KAZN: variants seen among roughly 807,000 people sequenced by gnomAD.
KAZN encodes kazrin, periplakin interacting protein.
A neutral mutation model predicts 87.4 loss-of-function variants in KAZN; 40 were observed. The observed-to-expected ratio is 0.46, with a 90% confidence interval of 0.36 to 0.60. The LOEUF is 0.60. Among genes scored for constraint, KAZN ranks in the 20% least tolerant of loss-of-function variants. The pLI is 0.00. For synonymous variants in KAZN, 466 were observed against 458.3 expected (o/e 1.02, Z -0.22); for missense variants, 898 against 1,073.9 (o/e 0.84, Z 2.29).
intron 1 of KAZN, chr1:14,692,415 G>A: frequency 3.6e-6 from 1 of 281,520 alleles, no homozygotes; most frequent in East Asian, 5.9e-5. Context: ...AACCTCTGAT[G>A]GCTCTCTATT....
At chr1:14,633,643 G>A (rs919473756) in intron 1 of KAZN, among the ~76,000 whole-genome samples, 1 of 152,128 alleles carries the variant, frequency 6.6e-6, no homozygotes, top group Non-Finnish European at 1.5e-5. Context: ...TGTTGCAGCA[G>A]CCTATAGGAA....
rs976783553 is a variant in KAZN at position 14,735,784 on chromosome 1, G to A, written c.226+136561G>A. ...TGTCCACGATAGTCCAAGAAGCGCC[G>A]TCCCTGGCCCTGGGTTTGGTAAGTT... On this transcript the variant is annotated intron_variant, in intron 1 of 14. Coordinates refer to ENST00000376030, the MANE Select transcript of KAZN (RefSeq NM_201628.3). This position sits in a 1 kb window ranked among gnomAD's most constrained non-coding sequence, Gnocchi z 4.3. Among the ~76,000 whole-genome samples the A allele has an allele frequency of 3.9e-5, 6 of 152,260 alleles. No homozygotes were observed. Among genetic ancestry groups the A allele is most frequent in the East Asian group, 1.9e-4 (1 of 5,182 alleles).
intron 1 of KAZN, among the ~76,000 whole-genome samples, chr1:13,978,152 G>T (rs914128077): frequency 1.2e-5 from 1 of 85,310 alleles, no homozygotes; most frequent in Non-Finnish European, 2.5e-5. Flanking sequence ...AAAAAAAAAA[G>T]GCAATTGTTG....
At chr1:14,466,999 A>G (rs1257730789) in intron 2 of KAZN, among the ~76,000 whole-genome samples, 1 of 152,202 alleles carries the variant, frequency 6.6e-6, no homozygotes, top group Non-Finnish European at 1.5e-5. Context: ...AATAAACCGA[A>G]GAAACTATTG....
chr1:14,137,002 A>G (rs6686025), intron 1 of KAZN, among the ~76,000 whole-genome samples: 81,844 of 152,036 alleles, frequency 0.54, 23,073 homozygotes, highest in East Asian at 0.73. Context: ...TTTTAGGGTT[A>G]TGAAGTTTCC....
chr1:14,432,097 C>T (rs946021477), intron 2 of KAZN, among the ~76,000 whole-genome samples: 9 of 152,194 alleles, frequency 5.9e-5, no homozygotes, highest in Admixed American at 1.3e-4. Flanking sequence ...TCACACTTCT[C>T]ATCCTCAACT....
At chr1:14,539,816 T>A (rs1672705269) in intron 2 of KAZN, among the ~76,000 whole-genome samples, 1 of 152,174 alleles carries the variant, frequency 6.6e-6, no homozygotes, top group Non-Finnish European at 1.5e-5. Flanking sequence ...CTAAATTTTG[T>A]TAAATGTAAG....
intron 1 of KAZN, among the ~76,000 whole-genome samples, chr1:14,775,658 G>A (rs1453865099): frequency 1.3e-5 from 2 of 152,122 alleles, no homozygotes; most frequent in Non-Finnish European, 2.9e-5. Context: ...CTTCCTCAAC[G>A]TGCGCCATGC....
intron 1 of KAZN, among the ~76,000 whole-genome samples, chr1:13,989,388 G>A (rs1349551048): frequency 6.6e-6 from 1 of 152,094 alleles, no homozygotes; most frequent in Non-Finnish European, 1.5e-5. Context: ...AACCTGGAGG[G>A]CTTTACAACC....
At chr1:14,213,335 C>T (rs575992375) in intron 2 of KAZN, among the ~76,000 whole-genome samples, 1 of 152,252 alleles carries the variant, frequency 6.6e-6, no homozygotes, top group South Asian at 2.1e-4. Context: ...TCCCCTCCGG[C>T]CTAAATAGGA....
intron 1 of KAZN, among the ~76,000 whole-genome samples, chr1:14,951,999 T>C (rs540517945): frequency 6.6e-6 from 1 of 152,272 alleles, no homozygotes; most frequent in African/African-American, 2.4e-5. Flanking sequence ...CTTGATCCCG[T>C]GCCCTGCCAA....
chr1:14,539,300 A>G (rs1050057626), intron 2 of KAZN, among the ~76,000 whole-genome samples: 16 of 152,370 alleles, frequency 1.1e-4, no homozygotes, highest in South Asian at 2.1e-4. Context: ...TGTTGATAAG[A>G]AATATGCTTC....
chr1:15,089,810 G>T (rs1172605803), intron 8 of KAZN, among the ~76,000 whole-genome samples: 1 of 151,104 alleles, frequency 6.6e-6, no homozygotes, highest in Non-Finnish European at 1.5e-5. Flanking sequence ...TGGCTGCAGA[G>T]GCTCAAAGCT....
chr1:15,036,047 C>G (rs35163828), intron 3 of KAZN, among the ~76,000 whole-genome samples: 77,727 of 151,780 alleles, frequency 0.51, 20,872 homozygotes, highest in African/African-American at 0.65. Context: ...GTCTTCACCG[C>G]TGATTCCTCA....
rs1049058431 is a variant in KAZN at position 14,441,375 on chromosome 1, G to GGCAGCA, written c.250-157592_250-157587dup. Among the ~76,000 whole-genome samples, 421 of 151,938 alleles carry GGCAGCA rather than the reference G, an allele frequency of 2.8e-3. 1 individual carries two copies. The highest frequency in any genetic ancestry group is 9.5e-3 in the African/African-American group (395 of 41,516). On this transcript the variant is annotated intron_variant, in intron 2 of 16. Transcript: ENST00000636203. Reference sequence around the variant, plus strand: ...TGTTGTTCCGGGCAGCAGCGGCAGCGGCAGCAGCAGCAGCAGCAGCACCTG... The same window carrying GGCAGCA: ...TGTTGTTCCGGGCAGCAGCGGCAGCGGCAGCAGCAGCAGCAGCAGCAGCAGCACCTG...
chr1:14,419,442 T>G (rs1210277514), intron 2 of KAZN, among the ~76,000 whole-genome samples: 1 of 152,142 alleles, frequency 6.6e-6, no homozygotes, highest in Non-Finnish European at 1.5e-5. Flanking sequence ...GCCCAAAGCC[T>G]GTGCTCTGTC....
At chr1:14,613,117 G>A (rs1022921782) in intron 1 of KAZN, among the ~76,000 whole-genome samples, 1 of 152,094 alleles carries the variant, frequency 6.6e-6, no homozygotes, top group African/African-American at 2.4e-5. Context: ...TTGAGTGTGC[G>A]TCCTAGCCTT....
chr1:15,033,864 G>A (rs541922096), intron 2 of KAZN, among the ~76,000 whole-genome samples: 3 of 151,996 alleles, frequency 2.0e-5, no homozygotes, highest in Non-Finnish European at 4.4e-5. Context: ...TCAGCCTCCC[G>A]AATAACTGGG....
intron 1 of KAZN, among the ~76,000 whole-genome samples, chr1:14,673,244 C>T (rs1640021071): frequency 6.6e-6 from 1 of 152,214 alleles, no homozygotes; most frequent in African/African-American, 2.4e-5. Flanking sequence ...CAGCCCCCCT[C>T]TTCCAGTCCT....
Sources: gnomAD v4.1 joint callset for allele counts (sites outside exome capture counted in the v4.1 genomes callset) on GRCh38, gnomAD v4.1.1 for gene constraint, Gnocchi (gnomAD v3.1) non-coding constraint, MANE v1.5 for transcripts, NCBI Gene and HGNC (gene_info 2026-07-23, HGNC 2026-07-21) for gene names.